Variants in TBC1D19 observed in about 807,000 individuals in gnomAD.
TBC1D19 encodes the protein TBC1 domain family member 19.
In TBC1D19, 60 loss-of-function variants were observed where a neutral mutation model predicts 89.0. The ratio of observed to expected loss-of-function variants is 0.67; its 90% confidence interval spans 0.55 to 0.84. TBC1D19 has a LOEUF of 0.84. Ranked by LOEUF, TBC1D19 falls within the 40% of genes least tolerant of loss-of-function variation. TBC1D19 has a pLI of 0.00. For missense variants in TBC1D19, 500 were observed against 610.8 expected, an observed-to-expected ratio of 0.82 and a Z score of 1.91; for synonymous variants, 189 against 199.7, an observed-to-expected ratio of 0.95 and a Z score of 0.45.
At chr4:26,748,657 T>G in intron 19 of TBC1D19, 131 bp downstream of exon 19, 2 of 678,226 alleles carry the variant, frequency 2.9e-6, no homozygotes, top group Non-Finnish European at 5.0e-6. Context: ...TAGATATATC[T>G]GGCTTTGACG....
chr4:26,709,588 G>A (rs1477230542), intron 13 of TBC1D19, among the ~76,000 whole-genome samples: 1 of 151,992 alleles, frequency 6.6e-6, no homozygotes, highest in Admixed American at 6.6e-5. Flanking sequence ...CTTGTAAGCT[G>A]TTCCTGGGAC....
At chr4:26,713,914 G>A (rs984885006) in intron 13 of TBC1D19, among the ~76,000 whole-genome samples, 3 of 152,040 alleles carry the variant, frequency 2.0e-5, no homozygotes, top group African/African-American at 4.8e-5. Context: ...TGTGTAAAAT[G>A]ATACAGTAAA....
Position 26,735,184 on chromosome 4 carries a change from G to A in TBC1D19, c.1085-271G>A, listed in dbSNP as rs528650965. Among the ~76,000 whole-genome samples the A allele has an allele frequency of 1.5e-3, 234 of 151,004 alleles. 2 individuals are homozygous for A. Among genetic ancestry groups the A allele is most frequent in the African/African-American group, 4.2e-3 (174 of 41,244 alleles). On this transcript the variant is annotated intron_variant, in intron 15 of 20. Transcript: ENST00000264866. ...TATATGTATGTACACATATATACAC[G>A]TATATATACACATATATATATTCAA... is the stretch of plus-strand genomic sequence containing the variant.
At chr4:26,795,280 G>T in the TBC1D19 span, among the ~76,000 whole-genome samples, 1 of 152,104 alleles carries the variant, frequency 6.6e-6, no homozygotes, top group Non-Finnish European at 1.5e-5. Flanking sequence ...TGGCTTAAAT[G>T]TCACTTTCCA....
intron 6 of TBC1D19, 93 bp from the exon 7 acceptor site, chr4:26,640,048 G>T (rs1577852404): frequency 2.3e-6 from 2 of 870,560 alleles, no homozygotes; most frequent in East Asian, 2.5e-5. Context: ...TAATCTATCT[G>T]TATGATAACA....
the TBC1D19 span, among the ~76,000 whole-genome samples, chr4:26,789,685 C>G: frequency 3.9e-5 from 6 of 152,108 alleles, no homozygotes; most frequent in Non-Finnish European, 8.8e-5. Context: ...CCATTTGATC[C>G]AGTAATCTCA....
At chr4:26,843,949 A>G in the TBC1D19 span, among the ~76,000 whole-genome samples, 2 of 152,184 alleles carry the variant, frequency 1.3e-5, no homozygotes, top group Non-Finnish European at 2.9e-5. Flanking sequence ...GAACTCACAC[A>G]TCACCAAGGG....
intron 8 of TBC1D19, among the ~76,000 whole-genome samples, chr4:26,663,512 G>A (rs1348636028): frequency 6.6e-6 from 1 of 152,138 alleles, no homozygotes; most frequent in South Asian, 2.1e-4. Flanking sequence ...AAAAAGCAGG[G>A]AAAGGATAAT....
the TBC1D19 span, among the ~76,000 whole-genome samples, chr4:26,834,292 G>A: frequency 6.6e-6 from 1 of 152,154 alleles, no homozygotes. Flanking sequence ...AATACAGGTT[G>A]GTCTCCCAGA....
the TBC1D19 span, among the ~76,000 whole-genome samples, chr4:26,850,693 G>T: frequency 1.3e-5 from 2 of 152,126 alleles, no homozygotes; most frequent in Non-Finnish European, 2.9e-5. Flanking sequence ...TCCTCAGAAG[G>T]AACCAATTCT....
At chr4:26,704,872 A>G (rs1395445850) in intron 13 of TBC1D19, among the ~76,000 whole-genome samples, 1 of 152,140 alleles carries the variant, frequency 6.6e-6, no homozygotes, top group African/African-American at 2.4e-5. Flanking sequence ...ATACCATTTT[A>G]TATTCCAACA....
the TBC1D19 span, among the ~76,000 whole-genome samples, chr4:26,823,809 GCAGCAT>G: frequency 6.6e-6 from 1 of 152,234 alleles, no homozygotes; most frequent in East Asian, 1.9e-4. Context: ...CAGACCTTAG[GCAGCAT>G]CTAAAGAAAC....
intron 13 of TBC1D19, among the ~76,000 whole-genome samples, chr4:26,716,332 A>T (rs1031284251): frequency 6.6e-6 from 1 of 152,120 alleles, no homozygotes; most frequent in Non-Finnish European, 1.5e-5. Flanking sequence ...AAGGCATGGC[A>T]GGTTGAATAC....
intron 13 of TBC1D19, among the ~76,000 whole-genome samples, chr4:26,689,384 G>A (rs1294034458): frequency 6.6e-6 from 1 of 151,978 alleles, no homozygotes; most frequent in Admixed American, 6.6e-5. Context: ...AAAAGTTTAT[G>A]TAGCTAATAT....
intron 7 of TBC1D19, among the ~76,000 whole-genome samples, chr4:26,656,958 TTTCTTCTTC>T (rs56762622): frequency 2.3e-4 from 11 of 47,796 alleles, no homozygotes; most frequent in South Asian, 8.9e-4. Flanking sequence ...CCCTGCAATC[TTTCTTCTTC>T]TTCTTCTTCT....
chr4:26,697,663 T>G (rs1054685920), intron 13 of TBC1D19, among the ~76,000 whole-genome samples: 4 of 152,106 alleles, frequency 2.6e-5, no homozygotes, highest in African/African-American at 9.7e-5. Flanking sequence ...TTTATCCACC[T>G]TGATCAAGTG....
chr4:26,698,866 C>G (rs575153039), intron 13 of TBC1D19, among the ~76,000 whole-genome samples: 110 of 152,162 alleles, frequency 7.2e-4, no homozygotes, highest in African/African-American at 2.5e-3. Flanking sequence ...ATTAATTCAA[C>G]ATGGATTAAA....
At chr4:26,813,049 C>G in the TBC1D19 span, among the ~76,000 whole-genome samples, 13 of 151,992 alleles carry the variant, frequency 8.6e-5, no homozygotes, top group African/African-American at 2.9e-4. Context: ...TAGGCCTCAT[C>G]TCTAGAAAAA....
At chr4:26,592,668 A>G (rs1231426634) in intron 1 of TBC1D19, among the ~76,000 whole-genome samples, 1 of 151,778 alleles carries the variant, frequency 6.6e-6, no homozygotes. Context: ...ATGTACAAAA[A>G]TCACAAGCAT....
Sources: gnomAD v4.1 joint callset for allele counts (sites outside exome capture counted in the v4.1 genomes callset) on GRCh38, gnomAD v4.1.1 for gene constraint, MANE v1.5 for transcripts, NCBI Gene and HGNC (gene_info 2026-07-23, HGNC 2026-07-21) for gene names.